Variants in ENOX1 observed in about 807,000 individuals in gnomAD.
ENOX1 encodes candidate growth-related and time keeping constitutive hydroquinone (NADH) oxidase.
A neutral mutation model predicts 82.5 loss-of-function variants in ENOX1; 42 were observed. The ratio of observed to expected loss-of-function variants is 0.51; its 90% CI spans 0.40 to 0.66. The LOEUF (loss-of-function observed/expected upper bound fraction) is 0.66, where lower values mean the gene tolerates loss of function less well. ENOX1 is among the 30% of genes least tolerant of loss of function. ENOX1 has a pLI of 0.00. For missense variants in ENOX1, 608 were observed against 811.6 expected, an observed-to-expected ratio of 0.75 and a Z score of 3.05; for synonymous variants, 271 against 282.2, an observed-to-expected ratio of 0.96 and a Z score of 0.40.
chr13:43,655,762 T>C (rs1394146897), intron 2 of ENOX1, among the ~76,000 whole-genome samples: 2 of 152,186 alleles, frequency 1.3e-5, no homozygotes, highest in Non-Finnish European at 2.9e-5. Context: ...CTGTACCCTC[T>C]CTGTTCTCCA....
At chr13:43,251,025 CA>C (rs2043424991) in intron 14 of ENOX1, among the ~76,000 whole-genome samples, 1 of 152,102 alleles carries the variant, frequency 6.6e-6, no homozygotes. Flanking sequence ...TGGACCTGCC[CA>C]GTGGAAAACT....
chr13:43,631,991 C>T (rs1258665900), intron 2 of ENOX1, among the ~76,000 whole-genome samples: 4 of 152,204 alleles, frequency 2.6e-5, no homozygotes, highest in African/African-American at 9.6e-5. Flanking sequence ...ATCTGTCACC[C>T]TACTTTAAAA....
chr13:43,247,883 ATT>A (rs869265102), intron 14 of ENOX1, among the ~76,000 whole-genome samples: 9 of 14,642 alleles, frequency 6.1e-4, no homozygotes, highest in Non-Finnish European at 9.2e-4. Context: ...ATATATATAT[ATT>A]TTTTTTTTTT....
chr13:43,723,882 G>A (rs2088747161), intron 1 of ENOX1, among the ~76,000 whole-genome samples: 1 of 152,124 alleles, frequency 6.6e-6, no homozygotes. Context: ...AGATAAAAAT[G>A]TTAGGATAAA....
intron 1 of ENOX1, among the ~76,000 whole-genome samples, chr13:43,683,526 G>A (rs984210509): frequency 6.6e-6 from 1 of 152,028 alleles, no homozygotes; most frequent in East Asian, 1.9e-4. Flanking sequence ...CTTCAGTTGG[G>A]TTTTTGGGAT....
rs3043205 is a variant in ENOX1, at chr13:43,213,544, C to CTTTTTTTTTTTTT, written c.*433_*445dup. 2.4e-5 allele frequency: 2 copies of CTTTTTTTTTTTTT among 84,008 alleles called. No individual in the cohort carries two copies. Among genetic ancestry groups the CTTTTTTTTTTTTT allele is most frequent in the African/African-American group, 4.4e-5 (1 of 22,740 alleles). 5.2% of individuals were successfully genotyped at this position (84,008 alleles called of 1,614,324 possible). A position where few individuals can be genotyped will look rare whatever the true frequency, so the allele number is the denominator to read the frequency against. ...TTTTTCTTTTTTTCTTTTTCTTTTT[C>CTTTTTTTTTTTTT]TTTTTTTTTTTTTTTTTTTTTTTAC... On this transcript the variant is annotated 3_prime_UTR_variant, in exon 17 of 17. Coordinates refer to ENST00000690772, the MANE Select transcript of ENOX1 (RefSeq NM_001347969.2).
At chr13:43,696,969 G>C (rs896956335) in intron 1 of ENOX1, among the ~76,000 whole-genome samples, 2 of 152,076 alleles carry the variant, frequency 1.3e-5, no homozygotes, top group Non-Finnish European at 2.9e-5. Flanking sequence ...AAGGCACAGA[G>C]TGAAACATAC....
chr13:43,253,562 C>T (rs940616980), intron 14 of ENOX1, among the ~76,000 whole-genome samples: 4 of 152,222 alleles, frequency 2.6e-5, no homozygotes, highest in African/African-American at 9.6e-5. Flanking sequence ...CACAACTCTC[C>T]CCTTCCTGGT....
intron 2 of ENOX1, among the ~76,000 whole-genome samples, chr13:43,538,511 T>C (rs1023955890): frequency 1.3e-5 from 2 of 152,236 alleles, no homozygotes; most frequent in African/African-American, 2.4e-5. Flanking sequence ...GAGGTAATCA[T>C]GTGCTTTTTC....
intron 2 of ENOX1, among the ~76,000 whole-genome samples, chr13:43,658,298 A>G (rs1396807103): frequency 6.6e-6 from 1 of 152,180 alleles, no homozygotes; most frequent in East Asian, 1.9e-4. Flanking sequence ...AAAAATTTAT[A>G]TGCACTGATT....
chr13:43,606,756 C>T (rs918574014), intron 2 of ENOX1, among the ~76,000 whole-genome samples: 5 of 152,056 alleles, frequency 3.3e-5, no homozygotes, highest in African/African-American at 1.2e-4. Flanking sequence ...TGGCTCAGGC[C>T]TGTAGTCCCA....
chr13:43,462,029 G>A (rs773853076), intron 3 of ENOX1, among the ~76,000 whole-genome samples: 2 of 152,134 alleles, frequency 1.3e-5, no homozygotes, highest in Non-Finnish European at 2.9e-5. Flanking sequence ...CTTCCCTCTG[G>A]TGCTGGGCCC....
chr13:43,628,332 C>G (rs1351502955), intron 2 of ENOX1, among the ~76,000 whole-genome samples: 1 of 152,114 alleles, frequency 6.6e-6, no homozygotes, highest in Non-Finnish European at 1.5e-5. Context: ...ATTGGAATTT[C>G]TATTGTTATG....
intron 5 of ENOX1, among the ~76,000 whole-genome samples, chr13:43,393,740 A>G (rs1282608524): frequency 6.6e-6 from 1 of 152,244 alleles, no homozygotes; most frequent in Non-Finnish European, 1.5e-5. Flanking sequence ...AAAGAAATGA[A>G]TGTAGTTCAT....
Position 43,239,710 on chromosome 13 carries a change from T to C in ENOX1, c.1612-2972A>G, listed in dbSNP as rs141526171. 8.5e-5 allele frequency among the ~76,000 whole-genome samples: 13 copies of C among 152,336 alleles called. No homozygotes were observed. The East Asian group carries it at 2.5e-3, about 29-fold the overall frequency. ...TCACAGAGCTAATTAGATGGGTGAA[T>C]GCTTATGTCATCCATTTTGCCAAAG... On this transcript the variant is annotated intron_variant, in intron 14 of 16. Coordinates refer to ENST00000690772, the MANE Select transcript of ENOX1 (RefSeq NM_001347969.2).
At chr13:43,472,841 G>A (rs979410504) in intron 3 of ENOX1, among the ~76,000 whole-genome samples, 1 of 152,268 alleles carries the variant, frequency 6.6e-6, no homozygotes, top group African/African-American at 2.4e-5. Flanking sequence ...TAAGTACAGA[G>A]TAATGAAAGG....
chr13:43,346,569 A>T (rs142301760), intron 8 of ENOX1, among the ~76,000 whole-genome samples: 1 of 152,332 alleles, frequency 6.6e-6, no homozygotes, highest in East Asian at 1.9e-4. Context: ...CCATTTTGTT[A>T]ACTCTGGAAT....
chr13:43,331,386 G>A (rs1247049926), intron 9 of ENOX1, among the ~76,000 whole-genome samples: 2 of 152,190 alleles, frequency 1.3e-5, no homozygotes. Flanking sequence ...CTTAAAGGCA[G>A]TAGGCTTGCC....
intron 15 of ENOX1, among the ~76,000 whole-genome samples, chr13:43,232,529 T>C (rs1029303249): frequency 2.0e-5 from 3 of 152,224 alleles, no homozygotes; most frequent in African/African-American, 7.2e-5. Context: ...TATTTTTCCA[T>C]ATTCTACTCA....
Sources: gnomAD v4.1 joint callset for allele counts (sites outside exome capture counted in the v4.1 genomes callset) on GRCh38, gnomAD v4.1.1 for gene constraint, MANE v1.5 for transcripts, NCBI Gene and HGNC (gene_info 2026-07-23, HGNC 2026-07-21) for gene names.